LDLRAD4: variants seen among roughly 807,000 people sequenced by gnomAD.
LDLRAD4 encodes the protein low density lipoprotein receptor class A domain containing 4.
A neutral mutation model predicts 17.0 loss-of-function variants in LDLRAD4; 5 were observed. The observed-to-expected ratio is 0.29, with a 90% confidence interval of 0.15 to 0.62. LDLRAD4 has a LOEUF of 0.62. Ranked by LOEUF, LDLRAD4 falls within the 20% of genes least tolerant of loss-of-function variation. The probability of loss-of-function intolerance (pLI) is 0.84; values close to 1 mark genes in which losing one functional copy is unlikely to be tolerated. For missense variants in LDLRAD4, 340 were observed against 424.7 expected, an observed-to-expected ratio of 0.80 and a Z score of 1.75; for synonymous variants, 168 against 171.8, an observed-to-expected ratio of 0.98 and a Z score of 0.17.
intron 1 of LDLRAD4, among the ~76,000 whole-genome samples, chr18:13,316,769 A>T (rs1321736444): frequency 6.6e-6 from 1 of 152,240 alleles, no homozygotes; most frequent in Non-Finnish European, 1.5e-5. Context: ...AACCACTAAA[A>T]TACTAATAAT....
At chr18:13,548,814 C>G (rs1348666491) in intron 3 of LDLRAD4, among the ~76,000 whole-genome samples, 1 of 152,260 alleles carries the variant, frequency 6.6e-6, no homozygotes, top group Non-Finnish European at 1.5e-5. Flanking sequence ...CACACGGCCC[C>G]ACCCATGCCT....
At chr18:13,593,579 G>A (rs73954874) in intron 3 of LDLRAD4, among the ~76,000 whole-genome samples, 50 of 147,522 alleles carry the variant, frequency 3.4e-4, no homozygotes, top group South Asian at 1.3e-3. Context: ...CCGTCCGTCC[G>A]TCCGTCCATC....
intron 1 of LDLRAD4, among the ~76,000 whole-genome samples, chr18:13,306,259 G>A (rs1443574427): frequency 6.6e-6 from 1 of 152,232 alleles, no homozygotes; most frequent in African/African-American, 2.4e-5. Context: ...CGGCCCCTGA[G>A]CCTTGAAGGA....
At chr18:13,305,225 A>G (rs1456727778) in intron 1 of LDLRAD4, among the ~76,000 whole-genome samples, 2 of 152,254 alleles carry the variant, frequency 1.3e-5, no homozygotes, top group African/African-American at 4.8e-5. Flanking sequence ...AAATCTTATC[A>G]AAACTTATGC....
intron 3 of LDLRAD4, among the ~76,000 whole-genome samples, chr18:13,463,145 T>C (rs1349755923): frequency 2.0e-5 from 3 of 152,186 alleles, no homozygotes; most frequent in African/African-American, 7.2e-5. Context: ...ACGTGATGTG[T>C]GTGTGCACCT....
chr18:13,619,515 C>CGGGG (rs71366065), intron 3 of LDLRAD4, among the ~76,000 whole-genome samples: 566 of 47,732 alleles, frequency 0.012, 9 homozygotes, highest in African/African-American at 0.049. Context: ...GGGGTGGGGC[C>CGGGG]GGGGGGGGGC....
chr18:13,355,640 G>T (rs1420705671), intron 1 of LDLRAD4, among the ~76,000 whole-genome samples: 3 of 151,280 alleles, frequency 2.0e-5, no homozygotes, highest in South Asian at 4.2e-4. Flanking sequence ...CAAGAGTCTG[G>T]TTTTTTTTTG....
chr18:13,312,347 C>T (rs1164239348), intron 1 of LDLRAD4, among the ~76,000 whole-genome samples: 2 of 152,110 alleles, frequency 1.3e-5, no homozygotes, highest in Admixed American at 1.3e-4. Context: ...GCAGATATTC[C>T]AAAATCTGAA....
rs148108794 is a variant in LDLRAD4 at position 13,226,260 on chromosome 18, A to G, written c.-467+7272A>G. ...GGTCTCAAATTCCCGGGCTGAAGCAATCTTCCCGCCTTGGCCTCCCAGGGT... is the reference window on the plus strand; with the variant it reads ...GGTCTCAAATTCCCGGGCTGAAGCAGTCTTCCCGCCTTGGCCTCCCAGGGT... On this transcript the variant is annotated intron_variant, in intron 1 of 5. Transcript: ENST00000399848. Among the ~76,000 whole-genome samples, 453 of 135,120 alleles carry G rather than the reference A, an allele frequency of 3.4e-3. 3 individuals carry two copies. Among genetic ancestry groups the G allele is most frequent in the Middle Eastern group, 4.5e-3 (1 of 222 alleles). The allele number at this position is 135,120 out of a possible 152,430, so 88.6% of individuals were successfully genotyped here. A position where few individuals can be genotyped will look rare whatever the true frequency, so the allele number is the denominator to read the frequency against.
intron 3 of LDLRAD4, among the ~76,000 whole-genome samples, chr18:13,511,493 C>G (rs1037306861): frequency 6.6e-6 from 1 of 152,148 alleles, no homozygotes; most frequent in African/African-American, 2.4e-5. Context: ...GCCTGGGTGA[C>G]AGAGTGAGAC....
At chr18:13,496,608 C>G (rs928481461) in intron 3 of LDLRAD4, among the ~76,000 whole-genome samples, 1 of 152,168 alleles carries the variant, frequency 6.6e-6, no homozygotes, top group African/African-American at 2.4e-5. Flanking sequence ...CAAGCATCAG[C>G]ACCGAACTGG....
intron 1 of LDLRAD4, among the ~76,000 whole-genome samples, chr18:13,326,063 G>A (rs908009748): frequency 1.3e-5 from 2 of 152,032 alleles, no homozygotes; most frequent in Non-Finnish European, 2.9e-5. Context: ...CACCACGCCC[G>A]GCTGGCAATA....
intron 3 of LDLRAD4, among the ~76,000 whole-genome samples, chr18:13,532,906 C>T (rs931936521): frequency 1.3e-5 from 2 of 152,124 alleles, no homozygotes; most frequent in African/African-American, 4.8e-5. Context: ...GGGCAGGGGC[C>T]GTGGAAGGAG....
chr18:13,567,456 G>A (rs547973459), intron 3 of LDLRAD4, among the ~76,000 whole-genome samples: 12 of 151,994 alleles, frequency 7.9e-5, no homozygotes, highest in African/African-American at 1.9e-4. Context: ...ACCACCCCCC[G>A]CCGCTGCAGC....
At chr18:13,537,566 A>AC (rs547674596) in intron 3 of LDLRAD4, among the ~76,000 whole-genome samples, 13 of 152,096 alleles carry the variant, frequency 8.5e-5, no homozygotes, top group Non-Finnish European at 1.5e-4. Context: ...ATGCTCCCTC[A>AC]CCCACCGCTC....
At chr18:13,606,970 G>T (rs1025662642) in intron 3 of LDLRAD4, among the ~76,000 whole-genome samples, 4 of 152,190 alleles carry the variant, frequency 2.6e-5, no homozygotes, top group Non-Finnish European at 5.9e-5. Context: ...ACATGGATTT[G>T]CAAGTAAACA....
chr18:13,368,834 A>G (rs2084257685), intron 1 of LDLRAD4, among the ~76,000 whole-genome samples: 1 of 152,218 alleles, frequency 6.6e-6, no homozygotes, highest in African/African-American at 2.4e-5. Context: ...ATAGGTTTCA[A>G]GTCCCATCTT....
chr18:13,583,444 T>A (rs2094892909), intron 3 of LDLRAD4, among the ~76,000 whole-genome samples: 1 of 151,960 alleles, frequency 6.6e-6, no homozygotes, highest in African/African-American at 2.4e-5. Flanking sequence ...CGGCACCAAC[T>A]TTGAGATGCC....
intron 2 of LDLRAD4, among the ~76,000 whole-genome samples, chr18:13,411,430 T>C (rs933396345): frequency 6.6e-6 from 1 of 152,234 alleles, no homozygotes; most frequent in Non-Finnish European, 1.5e-5. Flanking sequence ...GATACTGATA[T>C]GGTTTGGCTG....
Sources: gnomAD v4.1 joint callset for allele counts (sites outside exome capture counted in the v4.1 genomes callset) on GRCh38, gnomAD v4.1.1 for gene constraint, MANE v1.5 for transcripts, NCBI Gene and HGNC (gene_info 2026-07-23, HGNC 2026-07-21) for gene names.